KIAA2013: variants seen among roughly 807,000 people sequenced by gnomAD.
KIAA2013 encodes the protein KIAA2013.
KIAA2013 carries 20 observed loss-of-function variants against 39.9 expected under a neutral mutation model. The ratio of observed to expected loss-of-function variants is 0.50; its 90% confidence interval spans 0.35 to 0.73. The LOEUF is 0.73. KIAA2013 is among the 30% of genes least tolerant of loss of function. The pLI is 0.01. For missense variants in KIAA2013, 587 were observed against 856.1 expected (o/e 0.69, Z 3.92); for synonymous variants, 336 against 416.6 (o/e 0.81, Z 2.35).
chr1:11,919,742 T>A lies in KIAA2013; in HGVS notation c.*573A>T, dbSNP rs1351094706. 6.5e-6 allele frequency: 1 copy of A among 153,478 alleles called. No homozygotes were observed. Among genetic ancestry groups the A allele is most frequent in the Non-Finnish European group, 1.4e-5 (1 of 69,118 alleles). The allele number at this position is 153,478 out of a possible 1,614,324, so 9.5% of individuals were successfully genotyped here. A position where few individuals can be genotyped will look rare whatever the true frequency, so the allele number is the denominator to read the frequency against. Reference sequence around the variant, plus strand: ...GTCCACAGGCTCCTAAAAAAGGGCGTGCAAACCCGAGGATGACAGCACAAC... The same window carrying A: ...GTCCACAGGCTCCTAAAAAAGGGCGAGCAAACCCGAGGATGACAGCACAAC... On this transcript the variant is annotated 3_prime_UTR_variant, in exon 3 of 3. Transcript: ENST00000376572.
At chr1:11,921,538 T>C (rs1645474218) in intron 2 of KIAA2013, among the ~76,000 whole-genome samples, 1 of 151,276 alleles carries the variant, frequency 6.6e-6, no homozygotes, top group African/African-American at 2.4e-5. Context: ...TTATTATTAT[T>C]ATTATTTATT....
intron 1 of KIAA2013, among the ~76,000 whole-genome samples, chr1:11,924,700 C>T (rs368385665): frequency 3.9e-5 from 6 of 152,108 alleles, no homozygotes; most frequent in Non-Finnish European, 5.9e-5. Flanking sequence ...TTTCATCGGG[C>T]GGGAGCATCT....
chr1:11,919,950 G>A lies in KIAA2013; in HGVS notation c.*365C>T, dbSNP rs900078869. ...TTAAAACTTCATTAAGAAAGAACAC[G>A]TTAAATTAGGAAAAGGACACAACTT... On this transcript the variant is annotated 3_prime_UTR_variant, in exon 3 of 3. Transcript: ENST00000376572. 1.7e-5 allele frequency: 5 copies of A among 297,674 alleles called. No homozygotes were observed. The highest frequency in any genetic ancestry group is 6.6e-5 in the African/African-American group (3 of 45,384). The allele number at this position is 297,674 out of a possible 1,614,324, so 18.4% of individuals were successfully genotyped here.
chr1:11,920,701 T>C (rs1645468755), intron 2 of KIAA2013, among the ~76,000 whole-genome samples: 1 of 152,214 alleles, frequency 6.6e-6, no homozygotes, highest in African/African-American at 2.4e-5. Context: ...ACGATGCACA[T>C]TTGGCACCTG....
chr1:11,926,106 C>T lies in KIAA2013; in HGVS notation c.132G>A (p.Ala44=), dbSNP rs1351095029. 2.1e-6 allele frequency: 3 copies of T among 1,408,304 alleles called. No individual in the cohort carries two copies. The highest frequency in any genetic ancestry group is 2.8e-6 in the Non-Finnish European group (3 of 1,076,312). 87.2% of individuals were successfully genotyped at this position (1,408,304 alleles called of 1,614,324 possible). A position where few individuals can be genotyped will look rare whatever the true frequency, so the allele number is the denominator to read the frequency against. ...ACCAGGGCAGCAGGTGCAGGCCGCC[C>T]GCCGCCCGCCGCGCGCCGGACCCCC... ...WFGGSGARRA[A]GGLHLLPWSR... The change falls in exon 1 of 3, where the codon GCG becomes GCA. Residue 44 remains alanine, a synonymous_variant. Coordinates refer to ENST00000376572, the MANE Select transcript of KIAA2013 (RefSeq NM_138346.3).
chr1:11,920,444 C>A, intron 2 of KIAA2013, 112 bp from the exon 3 acceptor site: 2 of 1,094,048 alleles, frequency 1.8e-6, no homozygotes. Context: ...GGCTCTGACC[C>A]AGCCTTGCAG....
Position 11,920,094 on chromosome 1 carries a change from G to C in KIAA2013, c.*221C>G, listed in dbSNP as rs1318548276. The C allele has an allele frequency of 1.6e-6, 1 of 607,634 alleles. No individual in the cohort carries two copies. Among genetic ancestry groups the C allele is most frequent in the South Asian group, 1.9e-5 (1 of 52,048 alleles). The allele number at this position is 607,634 out of a possible 1,614,324, so 37.6% of individuals were successfully genotyped here. On this transcript the variant is annotated 3_prime_UTR_variant, in exon 3 of 3. Transcript: ENST00000376572. ...CCATACAGGTTCATTTTATTGAGTG[G>C]AAAGCTTACAAAAGGTCCACTGGCC...
intron 2 of KIAA2013, chr1:11,922,396 G>A: frequency 1.4e-6 from 2 of 1,440,758 alleles, no homozygotes; most frequent in Non-Finnish European, 1.8e-6. Context: ...TGCGGGAGGA[G>A]GGGAGGGCTG....
chr1:11,925,965 G>A lies in KIAA2013; in HGVS notation c.273C>T (p.Ala91=). The change falls in exon 1 of 3, where the codon GCC becomes GCT. Residue 91 remains alanine, a synonymous_variant. Transcript: ENST00000376572. This position sits in a 1 kb window ranked among gnomAD's most constrained non-coding sequence, Gnocchi z 5.2. ...GGGCCAGGAAGCCGTTGGCCACCAG[G>A]GCCGGCACTCCAGGACCCAGCGGTA... is the stretch of plus-strand genomic sequence containing the variant. ...EVVPLGPGVP[A]LVANGFLALD... The A allele has an allele frequency of 6.5e-7, 1 of 1,541,764 alleles. No individual in the cohort carries two copies. Among genetic ancestry groups the A allele is most frequent in the Non-Finnish European group, 8.7e-7 (1 of 1,151,684 alleles).
Position 11,926,338 on chromosome 1 carries a change from G to C in KIAA2013, c.-101C>G. ...CGCCTCACTGCCCGGCCCGGACCGC[G>C]GCGCCCACCCCGGCCCCCGCCGCAA... On this transcript the variant is annotated 5_prime_UTR_variant, in exon 1 of 3. Coordinates refer to ENST00000376572, the MANE Select transcript of KIAA2013 (RefSeq NM_138346.3). The C allele has an allele frequency of 2.1e-6, 1 of 481,622 alleles. No individual in the cohort carries two copies. Among genetic ancestry groups the C allele is most frequent in the African/African-American group, 2.1e-5 (1 of 47,402 alleles). The allele number at this position is 481,622 out of a possible 1,614,324, so 29.8% of individuals were successfully genotyped here.
intron 2 of KIAA2013, among the ~76,000 whole-genome samples, chr1:11,921,052 G>A (rs1430224083): frequency 6.7e-6 from 1 of 150,340 alleles, no homozygotes. Flanking sequence ...GAGAAGGGAG[G>A]GGAGGGGAGG....
rs768747745 is a variant in KIAA2013 at position 11,922,785 on chromosome 1, C to A, written c.1738G>T (p.Asp580Tyr). Residue 580 changes from aspartate (D) to tyrosine (Y), a missense_variant, in exon 2 of 3, where the codon GAT becomes TAT. Transcript: ENST00000376572. ...GGGTCCTGCTGGGCCATGTGCTCAT[C>A]ATGGGCCAGGATGGCCTTGAGGTGC... Reference protein sequence around the residue: ...TLHLKAILAHDEHMAQQDPGL... With the variant: ...TLHLKAILAHYEHMAQQDPGL... The A allele has an allele frequency of 1.2e-6, 2 of 1,613,712 alleles. No individual in the cohort carries two copies. The highest frequency in any genetic ancestry group is 2.2e-5 in the East Asian group (1 of 44,864).
At position 11,926,181 on chromosome 1, in the gene KIAA2013, G is replaced by A. The variant is rs1242282633; in HGVS notation, c.57C>T (p.Ala19=). ...GGCCAAGCAGGCAGAGGAGGCGGCGGGCCCAGCTGCTCGACAGCAGTCCCG... is the reference window on the plus strand; with the variant it reads ...GGCCAAGCAGGCAGAGGAGGCGGCGAGCCCAGCTGCTCGACAGCAGTCCCG... The part of the protein sequence containing the change: ...GLPGLLSSSW[A]RRLLCLLGLL... Residue 19 remains alanine, a synonymous_variant, in exon 1 of 3, where the codon GCC becomes GCT. Coordinates refer to ENST00000376572, the MANE Select transcript of KIAA2013 (RefSeq NM_138346.3). 5 of 1,383,836 alleles carry A rather than the reference G, an allele frequency of 3.6e-6. No homozygotes were observed. The highest frequency in any genetic ancestry group is 9.4e-7 in the Non-Finnish European group (1 of 1,060,662). 85.7% of individuals were successfully genotyped at this position (1,383,836 alleles called of 1,614,324 possible). A position where few individuals can be genotyped will look rare whatever the true frequency, so the allele number is the denominator to read the frequency against.
chr1:11,922,339 G>A, intron 2 of KIAA2013: 1 of 1,419,352 alleles, frequency 7.0e-7, no homozygotes, highest in Non-Finnish European at 9.2e-7. Flanking sequence ...ACAGGCACAA[G>A]CCACCACACC....
Position 11,923,156 on chromosome 1 carries a change from A to G in KIAA2013, c.1367T>C (p.Leu456Pro). 2 of 1,613,238 alleles carry G rather than the reference A, an allele frequency of 1.2e-6. No homozygotes were observed. The highest frequency in any genetic ancestry group is 1.1e-5 in the South Asian group (1 of 90,978). Residue 456 changes from leucine (L) to proline (P), a missense_variant, in exon 2 of 3, where the codon CTC becomes CCC. Leu to Pro is a moderately conservative substitution (Grantham distance 98). Coordinates refer to ENST00000376572, the MANE Select transcript of KIAA2013 (RefSeq NM_138346.3). This position sits in a 1 kb window ranked among gnomAD's most constrained non-coding sequence, Gnocchi z 4.6. ...TGTGAACTGCAGCCCCCCAAAGCTG[A>G]GCACCATCCCCTGCAGGATGCCTGG... ...GAPGILQGMV[L>P]SFGGLQFTEN...
intron 2 of KIAA2013, among the ~76,000 whole-genome samples, chr1:11,920,577 T>G (rs1645468224): frequency 6.6e-6 from 1 of 152,140 alleles, no homozygotes; most frequent in Admixed American, 6.6e-5. Flanking sequence ...GAAGGTAGTT[T>G]GGCTCATTTG....
At chr1:11,924,582 C>A (rs1206643475) in intron 1 of KIAA2013, among the ~76,000 whole-genome samples, 2 of 152,290 alleles carry the variant, frequency 1.3e-5, no homozygotes, top group East Asian at 3.9e-4. Flanking sequence ...ACTCAACTCT[C>A]TGAGCAACCA....
At position 11,923,611 on chromosome 1, in the gene KIAA2013, G is replaced by A. The variant is rs1214878266; in HGVS notation, c.1034-122C>T. 6 of 1,019,098 alleles carry A rather than the reference G, an allele frequency of 5.9e-6. No homozygotes were observed. The highest frequency in any genetic ancestry group is 1.6e-5 in the African/African-American group (1 of 62,268). The allele number at this position is 1,019,098 out of a possible 1,614,324, so 63.1% of individuals were successfully genotyped here. A position where few individuals can be genotyped will look rare whatever the true frequency, so the allele number is the denominator to read the frequency against. ...GTGCCTTAATGATAAAGACAGTGGTGCCCATCTCCCTAAAGTATAGAAGAA... is the reference window on the plus strand; with the variant it reads ...GTGCCTTAATGATAAAGACAGTGGTACCCATCTCCCTAAAGTATAGAAGAA... On this transcript the variant is annotated intron_variant, in intron 1 of 2. Transcript: ENST00000376572. This position sits in a 1 kb window ranked among gnomAD's most constrained non-coding sequence, Gnocchi z 4.6.
intron 2 of KIAA2013, among the ~76,000 whole-genome samples, chr1:11,921,848 C>T (rs1645477101): frequency 6.6e-6 from 1 of 151,870 alleles, no homozygotes; most frequent in South Asian, 2.1e-4. Flanking sequence ...CTGCACCCAG[C>T]CTCATTATTA....
Sources: gnomAD v4.1 joint callset for allele counts (sites outside exome capture counted in the v4.1 genomes callset) on GRCh38, gnomAD v4.1.1 for gene constraint, Gnocchi (gnomAD v3.1) non-coding constraint, MANE v1.5 for transcripts, NCBI Gene and HGNC (gene_info 2026-07-23, HGNC 2026-07-21) for gene names.